The following AGBL1 variants were observed in gnomAD, a reference collection of about 807,000 sequenced individuals.
The protein encoded by AGBL1 is cytosolic carboxypeptidase 4.
Under a neutral mutation model 118.9 loss-of-function variants are expected in AGBL1, and 130 were observed. That is an observed-to-expected ratio of 1.09 (90% CI 0.95 to 1.26). AGBL1 has a LOEUF of 1.26. AGBL1 is among the 50% of genes most tolerant of loss of function. The pLI is 0.00. For synonymous variants in AGBL1, 555 were observed against 478.9 expected (o/e 1.16, Z -2.08); for missense variants, 1,584 against 1,298.1 (o/e 1.22, Z -3.38).
intron 18 of AGBL1, among the ~76,000 whole-genome samples, chr15:86,452,013 G>A (rs974046585): frequency 6.6e-6 from 1 of 152,046 alleles, no homozygotes; most frequent in African/African-American, 2.4e-5. Flanking sequence ...TCAATGAATT[G>A]GCTCTTATAT....
intron 21 of AGBL1, among the ~76,000 whole-genome samples, chr15:86,561,607 T>C (rs2083821961): frequency 6.6e-6 from 1 of 152,218 alleles, no homozygotes; most frequent in African/African-American, 2.4e-5. Flanking sequence ...AGCTTCGTTC[T>C]TTTGGCTTAG....
chr15:86,663,623 A>G (rs942071708), intron 21 of AGBL1, among the ~76,000 whole-genome samples: 4 of 152,052 alleles, frequency 2.6e-5, no homozygotes, highest in Non-Finnish European at 5.9e-5. Flanking sequence ...CTGGTGCCAT[A>G]TTGAGTTTTT....
intron 22 of AGBL1, among the ~76,000 whole-genome samples, chr15:86,828,122 T>G (rs900108459): frequency 8.6e-5 from 13 of 151,428 alleles, no homozygotes; most frequent in African/African-American, 2.7e-4. Context: ...AAAAATTGTT[T>G]GTAGAGACGG....
intron 21 of AGBL1, among the ~76,000 whole-genome samples, chr15:86,585,196 C>T (rs11073648): frequency 0.31 from 46,392 of 151,980 alleles, 8,743 homozygotes; most frequent in Middle Eastern, 0.4. Flanking sequence ...CCTGATTGCT[C>T]TGGCTAGTAC....
chr15:86,646,429 C>T (rs1209533298), intron 21 of AGBL1, among the ~76,000 whole-genome samples: 1 of 152,188 alleles, frequency 6.6e-6, no homozygotes, highest in Non-Finnish European at 1.5e-5. Context: ...ATCCTCTTCT[C>T]ATAGAAAAGG....
At chr15:86,107,777 A>C (rs1011330837) in intron 1 of AGBL1, 1 of 152,244 alleles carries the variant, frequency 6.6e-6, no homozygotes, top group Non-Finnish European at 1.5e-5. Context: ...AGAATGGCAG[A>C]CATGATTCAA....
intron 17 of AGBL1, among the ~76,000 whole-genome samples, chr15:86,343,307 C>G (rs2080489639): frequency 1.4e-5 from 1 of 74,006 alleles, no homozygotes; most frequent in South Asian, 4.0e-4. Context: ...TCCTCCTTGG[C>G]TATGAATCCC....
At chr15:86,609,532 G>A (rs2084629046) in intron 21 of AGBL1, among the ~76,000 whole-genome samples, 3 of 152,010 alleles carry the variant, frequency 2.0e-5, no homozygotes, top group Non-Finnish European at 4.4e-5. Flanking sequence ...AATTTGTGTT[G>A]ACCTATTCTT....
At chr15:86,390,416 T>C (rs1596055366) in intron 17 of AGBL1, among the ~76,000 whole-genome samples, 1 of 152,230 alleles carries the variant, frequency 6.6e-6, no homozygotes, top group Non-Finnish European at 1.5e-5. Context: ...ATATGGGACA[T>C]TGTACCCAAC....
At chr15:86,493,285 A>G (rs1049346230) in intron 18 of AGBL1, among the ~76,000 whole-genome samples, 1 of 152,066 alleles carries the variant, frequency 6.6e-6, no homozygotes, top group African/African-American at 2.4e-5. Context: ...TTAGAAAGAG[A>G]TGGATATAAA....
chr15:86,888,211 C>T (rs192616656), intron 22 of AGBL1, among the ~76,000 whole-genome samples: 380 of 152,084 alleles, frequency 2.5e-3, no homozygotes, highest in African/African-American at 8.8e-3. Flanking sequence ...GAGGCAACCT[C>T]AGCACCATTC....
intron 22 of AGBL1, among the ~76,000 whole-genome samples, chr15:86,811,468 A>G (rs565149542): frequency 1.0e-3 from 153 of 152,268 alleles, no homozygotes; most frequent in Non-Finnish European, 1.7e-3. Flanking sequence ...CTTTTAATTA[A>G]AAGTAAAAAC....
intron 17 of AGBL1, among the ~76,000 whole-genome samples, chr15:86,368,927 T>C (rs1307799340): frequency 6.6e-6 from 1 of 151,960 alleles, no homozygotes; most frequent in Non-Finnish European, 1.5e-5. Context: ...AAAAAGAAAA[T>C]TTGAGAATCT....
chr15:86,921,096 A>G (rs771772710), downstream of AGBL1, among the ~76,000 whole-genome samples: 2 of 152,244 alleles, frequency 1.3e-5, no homozygotes, highest in African/African-American at 4.8e-5. Flanking sequence ...AGGCAAAGTC[A>G]TCAATAAATA....
intron 22 of AGBL1, among the ~76,000 whole-genome samples, chr15:86,855,734 T>A (rs1306011058): frequency 6.6e-6 from 1 of 152,232 alleles, no homozygotes; most frequent in Non-Finnish European, 1.5e-5. Flanking sequence ...ACAGATCCCG[T>A]CATCTTCCTG....
In AGBL1 at chr15:86,150,249, C is replaced by A. The variant is rs545795026; in HGVS notation, c.263-4181C>A. ...AAACAAGAACAAACAAATGCAAAAG[C>A]TAGCATAAGGCAAGAAATAACTAAG... is the stretch of plus-strand genomic sequence containing the variant. On this transcript the variant is annotated intron_variant, in intron 3 of 22. Transcript: ENST00000614907. 4.6e-5 allele frequency among the ~76,000 whole-genome samples: 7 copies of A among 152,226 alleles called. No homozygotes were observed. The East Asian group carries it at 1.4e-3, about 29-fold the overall frequency.
intron 22 of AGBL1, among the ~76,000 whole-genome samples, chr15:86,790,367 C>CAT (rs58465979): frequency 6.6e-6 from 1 of 151,348 alleles, no homozygotes; most frequent in South Asian, 2.1e-4. Context: ...CACACACACA[C>CAT]GCATGCACGC....
At chr15:86,247,166 A>G (rs931927974) in intron 6 of AGBL1, among the ~76,000 whole-genome samples, 4 of 152,226 alleles carry the variant, frequency 2.6e-5, no homozygotes, top group African/African-American at 7.2e-5. Context: ...ATTTGACCAG[A>G]TGCCCAATAA....
rs1596663556 is a variant in AGBL1, at chr15:86,947,735, C to T, written c.3222-40252C>T. Among the ~76,000 whole-genome samples the T allele has an allele frequency of 7.2e-5, 11 of 152,186 alleles. No homozygotes were observed. The South Asian group carries it at 2.1e-3, about 29-fold the overall frequency. On this transcript the variant is annotated intron_variant, in intron 23 of 24. Coordinates refer to the AGBL1 transcript ENST00000441037. Reference sequence around the variant, plus strand: ...CGTGTAGCAGCTGAATGACTGAGGGCAAGTTAGCCTTATATTTCTTATTTT... The same window carrying T: ...CGTGTAGCAGCTGAATGACTGAGGGTAAGTTAGCCTTATATTTCTTATTTT...
Sources: allele counts gnomAD v4.1 joint callset (sites outside exome capture counted in the v4.1 genomes callset), GRCh38; gene constraint gnomAD v4.1.1; transcripts MANE v1.5; gene names NCBI Gene and HGNC (gene_info 2026-07-23, HGNC 2026-07-21).